Variants in GRM8 observed in about 807,000 individuals in gnomAD.
GRM8 encodes metabotropic glutamate receptor 8.
Under a neutral mutation model 87.2 loss-of-function variants are expected in GRM8, and 47 were observed. The ratio of observed to expected loss-of-function variants is 0.54; its 90% CI spans 0.43 to 0.69. GRM8 has a LOEUF of 0.69. GRM8 is among the 30% of genes least tolerant of loss of function. The pLI is 0.00. For missense variants in GRM8, 1,019 were observed against 1,139.2 expected, an observed-to-expected ratio of 0.89 and a Z score of 1.52; for synonymous variants, 396 against 404.5, an observed-to-expected ratio of 0.98 and a Z score of 0.25.
chr7:126,840,017 AT>A (rs1174316681), intron 6 of GRM8, among the ~76,000 whole-genome samples: 2 of 152,102 alleles, frequency 1.3e-5, no homozygotes, highest in Non-Finnish European at 2.9e-5. Flanking sequence ...TATGGGTGAA[AT>A]TTTTTTAATG....
At chr7:127,040,852 T>C (rs1373593042) in intron 3 of GRM8, among the ~76,000 whole-genome samples, 1 of 152,172 alleles carries the variant, frequency 6.6e-6, no homozygotes, top group Non-Finnish European at 1.5e-5. Context: ...AGCTGTCTAA[T>C]ATGCTACATG....
At chr7:126,956,706 T>C (rs114029470) in intron 3 of GRM8, among the ~76,000 whole-genome samples, 170 of 152,274 alleles carry the variant, frequency 1.1e-3, no homozygotes, top group African/African-American at 3.9e-3. Context: ...AATACTTTCA[T>C]TATTAACCTG....
intron 9 of GRM8, among the ~76,000 whole-genome samples, chr7:126,482,223 G>C (rs1806771644): frequency 6.6e-6 from 1 of 151,986 alleles, no homozygotes; most frequent in African/African-American, 2.4e-5. Context: ...TGGTAACGTT[G>C]CTTTGGAAAA....
chr7:126,990,420 T>C (rs1175907731), intron 3 of GRM8, among the ~76,000 whole-genome samples: 3 of 151,744 alleles, frequency 2.0e-5, no homozygotes, highest in East Asian at 1.9e-4. Context: ...GCTTGCATTA[T>C]GTATTTTGCA....
chr7:127,027,184 A>T (rs1441352153), intron 3 of GRM8, among the ~76,000 whole-genome samples: 1 of 152,086 alleles, frequency 6.6e-6, no homozygotes, highest in Non-Finnish European at 1.5e-5. Context: ...GTTCTGTCCC[A>T]TTGGTCTATA....
intron 8 of GRM8, among the ~76,000 whole-genome samples, chr7:126,579,390 G>C (rs1366514159): frequency 6.6e-6 from 1 of 152,060 alleles, no homozygotes; most frequent in Non-Finnish European, 1.5e-5. Context: ...AAATTCTTTT[G>C]ATCTTTAAAA....
Position 126,904,095 on chromosome 7 carries a change from G to T in GRM8, c.895C>A (p.Gln299Lys), listed in dbSNP as rs144737599. ...RILEAAKKLN[Q>K]SGHFLWIGSD... ...CCAATCCAGAGAAAATGCCCACTTT[G>T]GTTTAGTTTTTTTGCTGCTTCCAAT... The change falls in exon 5 of 11, where the codon CAA becomes AAA. Residue 299 changes from glutamine (Q) to lysine (K), a missense_variant. Coordinates refer to ENST00000339582, the MANE Select transcript of GRM8 (RefSeq NM_000845.3). 1.2e-5 allele frequency: 19 copies of T among 1,610,998 alleles called. No homozygotes were observed. The highest frequency in any genetic ancestry group is 1.5e-5 in the Non-Finnish European group (18 of 1,178,340).
At chr7:126,748,107 T>C in intron 7 of GRM8, among the ~76,000 whole-genome samples, 1 of 152,050 alleles carries the variant, frequency 6.6e-6, no homozygotes, top group East Asian at 1.9e-4. Context: ...GACAAGGATG[T>C]CTTAGTTTGT....
intron 3 of GRM8, among the ~76,000 whole-genome samples, chr7:127,075,695 C>A (rs1586927102): frequency 6.6e-6 from 1 of 152,072 alleles, no homozygotes; most frequent in South Asian, 2.1e-4. Context: ...ATAGTCCAGA[C>A]CTGTTTTTGA....
At chr7:126,613,839 C>T (rs541222483) in intron 7 of GRM8, among the ~76,000 whole-genome samples, 41 of 152,312 alleles carry the variant, frequency 2.7e-4, no homozygotes, top group African/African-American at 7.2e-4. Context: ...GAGGGGCACA[C>T]GCCATTGCTG....
chr7:126,929,213 C>A (rs1006023568), intron 3 of GRM8, among the ~76,000 whole-genome samples: 1 of 152,132 alleles, frequency 6.6e-6, no homozygotes, highest in Non-Finnish European at 1.5e-5. Flanking sequence ...ATAAGATAGT[C>A]CAATGCCAAT....
chr7:127,041,714 G>A (rs185212592), intron 3 of GRM8, among the ~76,000 whole-genome samples: 48 of 152,300 alleles, frequency 3.2e-4, no homozygotes, highest in African/African-American at 1.1e-3. Context: ...GCTATGTTCC[G>A]GAGAACAATG....
intron 6 of GRM8, among the ~76,000 whole-genome samples, chr7:126,841,391 C>A (rs1033896139): frequency 1.3e-5 from 2 of 152,072 alleles, no homozygotes; most frequent in African/African-American, 4.8e-5. Context: ...TTGACCATAG[C>A]ACCTATGCTA....
chr7:126,915,268 G>T (rs920591800), intron 3 of GRM8, among the ~76,000 whole-genome samples: 2 of 152,226 alleles, frequency 1.3e-5, no homozygotes, highest in African/African-American at 4.8e-5. Context: ...CTCATCTGAA[G>T]ATTGAGAAGA....
intron 3 of GRM8, among the ~76,000 whole-genome samples, chr7:127,021,527 G>A (rs1304367983): frequency 1.3e-5 from 2 of 151,904 alleles, no homozygotes; most frequent in Admixed American, 6.6e-5. Flanking sequence ...CACTGTAGGT[G>A]GTATAAAAAG....
chr7:126,545,602 T>C (rs1315870888), intron 8 of GRM8, among the ~76,000 whole-genome samples: 1 of 152,218 alleles, frequency 6.6e-6, no homozygotes, highest in Non-Finnish European at 1.5e-5. Context: ...AAAAGTACTA[T>C]AGTATTCATG....
In GRM8 at chr7:126,740,137, T is replaced by C. The variant is rs140038824; in HGVS notation, c.1357+29728A>G. ...CAAAGGACCTTTCCAAACAATACAT[T>C]TTTCACATAAATAAATGCCAGGCAA... On this transcript the variant is annotated intron_variant, in intron 7 of 10. Transcript: ENST00000339582. Among the ~76,000 whole-genome samples, 472 of 152,184 alleles carry C rather than the reference T, an allele frequency of 3.1e-3. 2 individuals carry two copies. The highest frequency in any genetic ancestry group is 9.5e-3 in the African/African-American group (395 of 41,546).
chr7:126,962,830 C>T (rs1001113730), intron 3 of GRM8, among the ~76,000 whole-genome samples: 1 of 152,194 alleles, frequency 6.6e-6, no homozygotes, highest in Non-Finnish European at 1.5e-5. Context: ...CCCTATAGGT[C>T]AGATTGTTCC....
At chr7:127,064,318 A>G (rs1431089848) in intron 3 of GRM8, among the ~76,000 whole-genome samples, 1 of 152,146 alleles carries the variant, frequency 6.6e-6, no homozygotes, top group South Asian at 2.1e-4. Flanking sequence ...TGTTGAGTGT[A>G]TATATACTTA....
Sources: allele counts gnomAD v4.1 joint callset (sites outside exome capture counted in the v4.1 genomes callset), GRCh38; gene constraint gnomAD v4.1.1; transcripts MANE v1.5; gene names NCBI Gene and HGNC (gene_info 2026-07-23, HGNC 2026-07-21).